GRID2: variants seen among roughly 807,000 people sequenced by gnomAD.
GRID2 encodes the protein glutamate ionotropic receptor delta type subunit 2.
GRID2 carries 33 observed loss-of-function variants against 114.8 expected under a neutral mutation model. The ratio of observed to expected loss-of-function variants is 0.29; its 90% CI spans 0.22 to 0.38. The LOEUF (loss-of-function observed/expected upper bound fraction) is 0.38. Ranked by LOEUF, GRID2 falls within the 10% of genes least tolerant of loss-of-function variation. GRID2 has a pLI of 1.00. For missense variants in GRID2, 1,184 were observed against 1,257.7 expected (o/e 0.94, Z 0.89); for synonymous variants, 505 against 449.9 (o/e 1.12, Z -1.55).
At position 92,745,493 on chromosome 4, in the gene GRID2, G is replaced by A. The variant is rs1737107823; in HGVS notation, c.244+155207G>A. ...AACATGCTACTTACTAAATATTAGGGAGCAGGACAGTTGTTCTACTCCTGA... is the reference window on the plus strand; with the variant it reads ...AACATGCTACTTACTAAATATTAGGAAGCAGGACAGTTGTTCTACTCCTGA... On this transcript the variant is annotated intron_variant, in intron 2 of 15. Transcript: ENST00000282020. 2.0e-5 allele frequency among the ~76,000 whole-genome samples: 3 copies of A among 152,182 alleles called. No individual in the cohort carries two copies. In the South Asian group the frequency reaches 6.2e-4, roughly 32 times the overall value.
chr4:92,620,546 A>G (rs555893392), intron 2 of GRID2, among the ~76,000 whole-genome samples: 9 of 151,932 alleles, frequency 5.9e-5, no homozygotes, highest in Middle Eastern at 3.4e-3. Context: ...AGCACAAATA[A>G]AGAACATAGA....
intron 13 of GRID2, among the ~76,000 whole-genome samples, chr4:93,547,089 A>G (rs1298029680): frequency 6.6e-6 from 1 of 152,172 alleles, no homozygotes; most frequent in African/African-American, 2.4e-5. Context: ...CCTGTTCTCA[A>G]AATTCAGCTC....
chr4:93,125,690 T>G (rs1429431432), intron 4 of GRID2, among the ~76,000 whole-genome samples: 10 of 152,178 alleles, frequency 6.6e-5, no homozygotes, highest in Admixed American at 6.5e-4. Flanking sequence ...TAAAGAACAC[T>G]GGTATTAAAT....
intron 2 of GRID2, among the ~76,000 whole-genome samples, chr4:93,001,127 T>C (rs894353129): frequency 6.6e-6 from 1 of 151,678 alleles, no homozygotes; most frequent in Non-Finnish European, 1.5e-5. Flanking sequence ...AGCAAATACA[T>C]GTTTAATATT....
intron 2 of GRID2, among the ~76,000 whole-genome samples, chr4:92,945,933 C>G (rs1751592189): frequency 6.6e-6 from 1 of 152,106 alleles, no homozygotes; most frequent in Non-Finnish European, 1.5e-5. Context: ...CAACTACTTG[C>G]ACTGTGTTTT....
chr4:92,971,233 T>C (rs988831113), intron 2 of GRID2, among the ~76,000 whole-genome samples: 3 of 152,018 alleles, frequency 2.0e-5, no homozygotes, highest in Non-Finnish European at 4.4e-5. Context: ...CTGTCTTGAT[T>C]AACCACTAAA....
chr4:92,656,472 T>TAA (rs370868206), intron 2 of GRID2, among the ~76,000 whole-genome samples: 44 of 145,310 alleles, frequency 3.0e-4, no homozygotes, highest in East Asian at 7.9e-4. Context: ...AAAGAAAAAT[T>TAA]AAAAAAAAAA....
At chr4:92,331,724 C>G (rs1191384642) in intron 1 of GRID2, among the ~76,000 whole-genome samples, 1 of 152,148 alleles carries the variant, frequency 6.6e-6, no homozygotes, top group East Asian at 1.9e-4. Context: ...GTTTACATAA[C>G]ACTGTAATCT....
intron 4 of GRID2, among the ~76,000 whole-genome samples, chr4:93,118,071 G>C (rs997906047): frequency 2.6e-5 from 4 of 152,050 alleles, no homozygotes; most frequent in Non-Finnish European, 4.4e-5. Flanking sequence ...CAACTATCAA[G>C]ACTTCTATGA....
At chr4:92,667,491 G>T (rs902924667) in intron 2 of GRID2, among the ~76,000 whole-genome samples, 1 of 151,368 alleles carries the variant, frequency 6.6e-6, no homozygotes, top group Non-Finnish European at 1.5e-5. Context: ...TTAATTTAAA[G>T]ATAATGACTA....
At chr4:93,712,984 C>T (rs144628095) in intron 14 of GRID2, among the ~76,000 whole-genome samples, 1 of 152,094 alleles carries the variant, frequency 6.6e-6, no homozygotes, top group Non-Finnish European at 1.5e-5. Flanking sequence ...TACCTCCCAC[C>T]TGGCCAATTT....
At chr4:92,752,658 C>T (rs909623627) in intron 2 of GRID2, among the ~76,000 whole-genome samples, 3 of 151,992 alleles carry the variant, frequency 2.0e-5, no homozygotes, top group African/African-American at 7.3e-5. Context: ...TAGTACAGAT[C>T]GTAATATGAT....
At chr4:93,417,727 CT>C (rs1276882709) in intron 9 of GRID2, among the ~76,000 whole-genome samples, 1 of 151,810 alleles carries the variant, frequency 6.6e-6, no homozygotes, top group African/African-American at 2.4e-5. Context: ...TTGGCTATTG[CT>C]TTTTTCACTC....
chr4:93,438,471 A>G (rs1721314782), intron 10 of GRID2, among the ~76,000 whole-genome samples: 1 of 152,104 alleles, frequency 6.6e-6, no homozygotes, highest in Non-Finnish European at 1.5e-5. Flanking sequence ...ACAAATTATA[A>G]AAGAGTTTTA....
intron 2 of GRID2, among the ~76,000 whole-genome samples, chr4:92,619,429 C>T (rs1461639284): frequency 6.6e-6 from 1 of 151,668 alleles, no homozygotes; most frequent in South Asian, 2.1e-4. Context: ...TCTCATTCCT[C>T]AGATCTTGTA....
intron 2 of GRID2, among the ~76,000 whole-genome samples, chr4:92,854,784 TA>T (rs1171792499): frequency 1.3e-5 from 2 of 151,922 alleles, no homozygotes; most frequent in South Asian, 2.1e-4. Context: ...ATGTAAATAA[TA>T]AAAAAATTTA....
At chr4:92,920,011 C>T (rs993259907) in intron 2 of GRID2, among the ~76,000 whole-genome samples, 1 of 152,080 alleles carries the variant, frequency 6.6e-6, no homozygotes, top group Non-Finnish European at 1.5e-5. Flanking sequence ...CAAGGACTTG[C>T]TTTATGAATC....
chr4:93,142,011 G>C (rs1735812880), intron 4 of GRID2, among the ~76,000 whole-genome samples: 1 of 152,138 alleles, frequency 6.6e-6, no homozygotes, highest in African/African-American at 2.4e-5. Flanking sequence ...ACTGTGGGCA[G>C]CCAGACCAGC....
At position 93,081,949 on chromosome 4, in the gene GRID2, C is replaced by T. The variant is rs548776577; in HGVS notation, c.245-3046C>T. On this transcript the variant is annotated intron_variant, in intron 2 of 15. Transcript: ENST00000282020. ...CCTTTTATTTCCTGAAATCTCCCTT[C>T]AGCTGCCATGAGTTATAGCCTATTT... is the stretch of plus-strand genomic sequence containing the variant. Among the ~76,000 whole-genome samples the T allele has an allele frequency of 4.6e-5, 7 of 152,292 alleles. No individual in the cohort carries two copies. In the South Asian group the frequency reaches 1.5e-3, roughly 32 times the overall value.
Sources: allele counts gnomAD v4.1 joint callset (sites outside exome capture counted in the v4.1 genomes callset), GRCh38; gene constraint gnomAD v4.1.1; transcripts MANE v1.5; gene names NCBI Gene and HGNC (gene_info 2026-07-23, HGNC 2026-07-21).